The following PTPRN2 variants were observed in gnomAD, a reference collection of about 807,000 sequenced individuals.
PTPRN2 encodes receptor-type tyrosine-protein phosphatase N2.
PTPRN2 carries 74 observed loss-of-function variants against 118.8 expected under a neutral mutation model. The ratio of observed to expected loss-of-function variants is 0.62; its 90% confidence interval spans 0.52 to 0.76. The LOEUF (loss-of-function observed/expected upper bound fraction) is 0.76. PTPRN2 is among the 30% of genes least tolerant of loss of function. The pLI, the probability that PTPRN2 is intolerant of heterozygous loss-of-function variation, is 0.00. For synonymous variants in PTPRN2, 641 were observed against 608.0 expected (o/e 1.05, Z -0.80); for missense variants, 1,481 against 1,394.4 (o/e 1.06, Z -0.99).
rs71544527 is a variant in PTPRN2, at chr7:158,089,814, A to G, written c.1644-8437T>C. On this transcript the variant is annotated intron_variant, in intron 10 of 22. Transcript: ENST00000389418. ...TCCTTCTTCCCCTGACGAAAGAGGG[A>G]GTCTTCACACACATCCTTCCTCCCC... 1.8e-3 allele frequency among the ~76,000 whole-genome samples: 213 copies of G among 115,736 alleles called. 4 individuals carry two copies. The highest frequency in any genetic ancestry group is 2.7e-3 in the Non-Finnish European group (148 of 54,690). The allele number at this position is 115,736 out of a possible 152,430, so 75.9% of individuals were successfully genotyped here. A position where few individuals can be genotyped will look rare whatever the true frequency, so the allele number is the denominator to read the frequency against.
chr7:157,733,495 T>TC (rs1800084265), intron 12 of PTPRN2, among the ~76,000 whole-genome samples: 1 of 24,568 alleles, frequency 4.1e-5, no homozygotes. Flanking sequence ...GTTACTCTTT[T>TC]CCGTCCCATG....
At chr7:158,137,793 G>A (rs1330259659) in intron 7 of PTPRN2, among the ~76,000 whole-genome samples, 1 of 152,220 alleles carries the variant, frequency 6.6e-6, no homozygotes, top group Admixed American at 6.5e-5. Context: ...GCTCCACGCT[G>A]TGAGAAGCCA....
chr7:158,235,933 C>T (rs997923753), intron 3 of PTPRN2, among the ~76,000 whole-genome samples: 3 of 152,094 alleles, frequency 2.0e-5, no homozygotes, highest in Non-Finnish European at 2.9e-5. Flanking sequence ...CCACAACAAG[C>T]AGGAAGCAGC....
intron 2 of PTPRN2, among the ~76,000 whole-genome samples, chr7:158,406,717 T>G (rs576611634): frequency 6.6e-6 from 1 of 152,348 alleles, no homozygotes; most frequent in Non-Finnish European, 1.5e-5. Context: ...CTCATCCCCA[T>G]GCCACTGGAT....
At chr7:157,818,363 G>A (rs912036571) in intron 12 of PTPRN2, among the ~76,000 whole-genome samples, 3 of 152,046 alleles carry the variant, frequency 2.0e-5, no homozygotes, top group Non-Finnish European at 4.4e-5. Flanking sequence ...TAAAGCGTGG[G>A]AAATGACACG....
chr7:158,583,299 C>A (rs936051317), intron 1 of PTPRN2, among the ~76,000 whole-genome samples: 10 of 152,200 alleles, frequency 6.6e-5, no homozygotes, highest in African/African-American at 2.4e-4. Flanking sequence ...CACCAGCTAA[C>A]CTTTGTCCCG....
rs1396685235 is a variant in PTPRN2, at chr7:158,266,330, A to G, written c.277+50489T>C. Among the ~76,000 whole-genome samples, 5 of 35,120 alleles carry G rather than the reference A, an allele frequency of 1.4e-4. No homozygotes were observed. The East Asian group carries it at 4.1e-3, about 29-fold the overall frequency. The allele number at this position is 35,120 out of a possible 152,430, so 23.0% of individuals were successfully genotyped here. On this transcript the variant is annotated intron_variant, in intron 3 of 22. Coordinates refer to ENST00000389418, the MANE Select transcript of PTPRN2 (RefSeq NM_002847.5). ...CTGGGGACGGCGTCTGCTGCGGGGT[A>G]TTGTCTGGCAGTGAGGCTGGGGACG...
chr7:158,057,386 A>C (rs1419970282), intron 11 of PTPRN2, among the ~76,000 whole-genome samples: 2 of 152,224 alleles, frequency 1.3e-5, no homozygotes, highest in African/African-American at 4.8e-5. Context: ...TCCACGTTAC[A>C]GGCAGCAAAG....
chr7:157,849,292 G>A (rs772374221), intron 12 of PTPRN2, among the ~76,000 whole-genome samples: 91 of 152,210 alleles, frequency 6.0e-4, no homozygotes, highest in Non-Finnish European at 4.3e-4. Flanking sequence ...GGCAGCATGA[G>A]GCCACCGTCA....
rs1801774245 is a variant in PTPRN2 at position 157,603,068 on chromosome 7, C to T, written c.2418+934G>A. On this transcript the variant is annotated intron_variant, in intron 16 of 22. Transcript: ENST00000389418. This position sits in a 1 kb window ranked among gnomAD's most constrained non-coding sequence, Gnocchi z 5.4. ...TGTCCGCCATAAATCTGCATGGAGC[C>T]CCAGCCTCTCCACCACTGGTTTAAA... is the stretch of plus-strand genomic sequence containing the variant. Among the ~76,000 whole-genome samples the T allele has an allele frequency of 6.6e-6, 1 of 152,158 alleles. No individual in the cohort carries two copies. The highest frequency in any genetic ancestry group is 2.4e-5 in the African/African-American group (1 of 41,436).
At chr7:158,199,350 T>C (rs1416606803) in intron 4 of PTPRN2, among the ~76,000 whole-genome samples, 1 of 152,198 alleles carries the variant, frequency 6.6e-6, no homozygotes, top group Non-Finnish European at 1.5e-5. Context: ...TTGCTGATTT[T>C]CCACACTGCG....
At chr7:157,842,258 TTCAGCGCGCTCCAA>T (rs1461191546) in intron 12 of PTPRN2, among the ~76,000 whole-genome samples, 1 of 152,090 alleles carries the variant, frequency 6.6e-6, no homozygotes, top group Non-Finnish European at 1.5e-5. Context: ...ATGGGGTCAT[TTCAGCGCGCTCCAA>T]TCAGCCGCCT....
chr7:157,775,866 G>A (rs368209214), intron 12 of PTPRN2, among the ~76,000 whole-genome samples: 29 of 152,102 alleles, frequency 1.9e-4, no homozygotes, highest in Admixed American at 1.5e-3. Flanking sequence ...TGTTTGAGCC[G>A]TTTCTGTTCA....
At chr7:158,062,014 G>C (rs911604550) in intron 11 of PTPRN2, among the ~76,000 whole-genome samples, 1 of 152,262 alleles carries the variant, frequency 6.6e-6, no homozygotes, top group Admixed American at 6.5e-5. Flanking sequence ...CCATGGTCCT[G>C]CTGTCAGAGC....
rs192990036 is a variant in PTPRN2 at position 158,471,946 on chromosome 7, G to A, written c.163+17789C>T. Reference sequence around the variant, plus strand: ...AGACATGGGACAGCCAGGAAATGTGGCCCACCTGACTCCAATCATGCTTCC... The same window carrying A: ...AGACATGGGACAGCCAGGAAATGTGACCCACCTGACTCCAATCATGCTTCC... On this transcript the variant is annotated intron_variant, in intron 2 of 22. Coordinates refer to ENST00000389418, the MANE Select transcript of PTPRN2 (RefSeq NM_002847.5). Among the ~76,000 whole-genome samples the A allele has an allele frequency of 8.5e-4, 129 of 152,242 alleles. 1 individual carries two copies. The highest frequency in any genetic ancestry group is 3.0e-3 in the African/African-American group (123 of 41,544).
At chr7:157,923,129 G>GT (rs749774371) in intron 11 of PTPRN2, among the ~76,000 whole-genome samples, 1 of 152,224 alleles carries the variant, frequency 6.6e-6, no homozygotes, top group Non-Finnish European at 1.5e-5. Context: ...ATCACTCTGG[G>GT]TTTTTTATCT....
rs771083794 is a variant in PTPRN2, at chr7:157,780,587, G to A, written c.1789-97650C>T. On this transcript the variant is annotated intron_variant, in intron 12 of 22. Coordinates refer to ENST00000389418, the MANE Select transcript of PTPRN2 (RefSeq NM_002847.5). This position sits in a 1 kb window ranked among gnomAD's most constrained non-coding sequence, Gnocchi z 4.5. Reference sequence around the variant, plus strand: ...CTGGCTTCCAGTACTGGCTCTGCACGCCTTCACCGTGAGAGGCCCCTGGAC... The same window carrying A: ...CTGGCTTCCAGTACTGGCTCTGCACACCTTCACCGTGAGAGGCCCCTGGAC... Among the ~76,000 whole-genome samples, 6 of 152,152 alleles carry A rather than the reference G, an allele frequency of 3.9e-5. No individual in the cohort carries two copies. The highest frequency in any genetic ancestry group is 3.3e-4 in the Admixed American group (5 of 15,278).
chr7:157,697,330 G>A (rs1487522568), intron 12 of PTPRN2, among the ~76,000 whole-genome samples: 1 of 142,790 alleles, frequency 7.0e-6, no homozygotes, highest in Non-Finnish European at 1.5e-5. Context: ...ATCTACCCAT[G>A]CATACTGGAT....
chr7:158,156,397 G>A (rs1463258504), intron 6 of PTPRN2, among the ~76,000 whole-genome samples: 1 of 152,204 alleles, frequency 6.6e-6, no homozygotes, highest in Non-Finnish European at 1.5e-5. Flanking sequence ...ACTGACGGAC[G>A]ACAGGTAACG....
Sources: gnomAD v4.1 joint callset for allele counts (sites outside exome capture counted in the v4.1 genomes callset) on GRCh38, gnomAD v4.1.1 for gene constraint, Gnocchi (gnomAD v3.1) non-coding constraint, MANE v1.5 for transcripts, NCBI Gene and HGNC (gene_info 2026-07-23, HGNC 2026-07-21) for gene names.